Variants in PLRG1 observed in about 807,000 individuals in gnomAD.
PLRG1 encodes the protein pleiotropic regulator 1.
A neutral mutation model predicts 74.9 loss-of-function variants in PLRG1; 28 were observed. That is an observed-to-expected ratio of 0.37 (90% CI 0.28 to 0.51). The LOEUF is 0.51. Ranked by LOEUF, PLRG1 falls within the 20% of genes least tolerant of loss-of-function variation. The probability of loss-of-function intolerance (pLI) is 0.91; values close to 1 mark genes in which losing one functional copy is unlikely to be tolerated. For missense variants in PLRG1, 445 were observed against 631.9 expected, an observed-to-expected ratio of 0.70 and a Z score of 3.17; for synonymous variants, 197 against 212.4, an observed-to-expected ratio of 0.93 and a Z score of 0.63.
At chr4:154,550,106 T>C (rs539967646) in intron 1 of PLRG1, among the ~76,000 whole-genome samples, 194 bp downstream of exon 1, 5 of 152,258 alleles carry the variant, frequency 3.3e-5, no homozygotes, top group Admixed American at 2.0e-4. Flanking sequence ...AGGCTGAACC[T>C]CCGACTCGGG....
intron 5 of PLRG1, 83 bp downstream of exon 5, chr4:154,546,040 A>G: frequency 9.3e-7 from 1 of 1,079,660 alleles, no homozygotes; most frequent in East Asian, 2.6e-5. Flanking sequence ...ATGTCATATA[A>G]TAGTTATAAA....
In PLRG1 at chr4:154,544,690, TA is replaced by T. The variant is rs147317378; in HGVS notation, c.493-145del. Reference sequence around the variant, plus strand: ...AAATACAATTTTCTGTATGTTAACTTAAAAAAGCAATTATAAAATCACAGAC... The same window carrying T: ...AAATACAATTTTCTGTATGTTAACTTAAAAAGCAATTATAAAATCACAGAC... On this transcript the variant is annotated intron_variant, in intron 6 of 14. Transcript: ENST00000499023. The T allele has an allele frequency of 7.1e-3, 4,171 of 589,358 alleles. 131 individuals carry two copies. The highest frequency in any genetic ancestry group is 0.07 in the African/African-American group (3,717 of 53,100). 36.5% of individuals were successfully genotyped at this position (589,358 alleles called of 1,614,324 possible).
At chr4:154,540,547 A>C (rs1262953695) in intron 10 of PLRG1, 47 bp downstream of exon 10, 4 of 1,277,868 alleles carry the variant, frequency 3.1e-6, no homozygotes, top group Non-Finnish European at 4.6e-6. Context: ...TGCACCCTAC[A>C]AGATGCAATA....
intron 5 of PLRG1, 29 bp from the exon 6 acceptor site, chr4:154,545,952 G>T: frequency 7.1e-7 from 1 of 1,417,966 alleles, no homozygotes. Context: ...TATTTTCAAA[G>T]TAATTAATGC....
intron 10 of PLRG1, 109 bp downstream of exon 10, chr4:154,540,485 G>A: frequency 2.6e-6 from 2 of 759,306 alleles, no homozygotes; most frequent in Non-Finnish European, 4.6e-6. Flanking sequence ...GATGACTCAA[G>A]ACAGCTATCT....
intron 5 of PLRG1, 51 bp downstream of exon 5, chr4:154,546,072 G>T: frequency 8.2e-7 from 1 of 1,214,016 alleles, no homozygotes; most frequent in Non-Finnish European, 1.2e-6. Context: ...AAGAAAAAAT[G>T]TGAACAGTGA....
Position 154,545,916 on chromosome 4 carries a change from C to T in PLRG1, c.412G>A (p.Ala138Thr), listed in dbSNP as rs1217999589. 3 of 1,607,266 alleles carry T rather than the reference C, an allele frequency of 1.9e-6. No individual in the cohort carries two copies. The highest frequency in any genetic ancestry group is 2.6e-6 in the Non-Finnish European group (3 of 1,174,548). ...VALPLQTKAD[A>T]NRTAPSGSEY... is the part of the protein sequence containing the mutation. The stretch of plus-strand genomic sequence containing the variant: ...CTTCCACTAGGGGCAGTACGATTTG[C>T]ATCAGCCCTGGGGCAAAAGAAATAA... The change falls in exon 6 of 15, where the codon GCA (alanine) becomes ACA (threonine). Residue 138 changes from alanine to threonine, a missense_variant. This residue lies in a region of PLRG1 where 206 missense variants were observed against 210.8 expected (regional missense o/e 0.98). Transcript: ENST00000499023.
chr4:154,538,067 C>A lies in PLRG1; in HGVS notation c.1193G>T (p.Trp398Leu). 1 of 1,528,476 alleles carries A rather than the reference C, an allele frequency of 6.5e-7. No individual in the cohort carries two copies. 94.7% of individuals were successfully genotyped at this position (1,528,476 alleles called of 1,614,324 possible). A position where few individuals can be genotyped will look rare whatever the true frequency, so the allele number is the denominator to read the frequency against. Residue 398 changes from tryptophan to leucine, a missense_variant, in exon 13 of 15, where the codon TGG (tryptophan) becomes TTG (leucine). Physicochemically the swap from Trp to Leu is moderately conservative, Grantham distance 61. Transcript: ENST00000499023. The part of the protein sequence containing the change: ...ASGSPDNIKQ[W>L]KFPDGSFIQN... ...AATGAAACTTCCATCAGGGAATTTC[C>A]ACTGCTTTATGTTATCTGGAGAACC...
intron 4 of PLRG1, chr4:154,546,415 G>A: frequency 1.8e-6 from 1 of 553,424 alleles, no homozygotes; most frequent in East Asian, 3.1e-5. Context: ...ACTCAAATTT[G>A]ATTTGATCAC....
rs776034583 is a variant in PLRG1 at position 154,539,993 on chromosome 4, C to A, written c.1000G>T (p.Ala334Ser). 1 of 1,602,366 alleles carries A rather than the reference C, an allele frequency of 6.2e-7. No homozygotes were observed. Among genetic ancestry groups the A allele is most frequent in the Non-Finnish European group, 8.6e-7 (1 of 1,169,510 alleles). ...HTLSGHTNAV[A>S]TVRCQAAEPQ... ...TCTGCAGCCTGACATCTCACTGTAG[C>A]AACTGCATTTGTATGTCCAGATAAT... Residue 334 changes from alanine to serine, a missense_variant, in exon 11 of 15, where the codon GCT becomes TCT. By Grantham distance (99) the Ala-to-Ser change is moderately conservative. Transcript: ENST00000499023.
rs1729545126 is a variant in PLRG1, at chr4:154,540,897, A to G, written c.725T>C (p.Leu242Ser). 1 of 1,610,274 alleles carries G rather than the reference A, an allele frequency of 6.2e-7. No homozygotes were observed. Among genetic ancestry groups the G allele is most frequent in the Non-Finnish European group, 8.5e-7 (1 of 1,178,420 alleles). ...DLASGKLKLS[L>S]TGHISTVRGV... The stretch of plus-strand genomic sequence containing the variant: ...CCGCACAGTACTAATATGCCCAGTC[A>G]ATGACAGTTTTAATTTGCCACTAGC... The change falls in exon 9 of 15, where the codon TTG becomes TCG. Residue 242 changes from leucine to serine, a missense_variant. Coordinates refer to ENST00000499023, the MANE Select transcript of PLRG1 (RefSeq NM_002669.4).
rs540384994 is a variant in PLRG1, at chr4:154,545,691, A to G, written c.492+145T>C. 5.7e-6 allele frequency: 3 copies of G among 525,686 alleles called. No homozygotes were observed. The South Asian group carries it at 9.7e-5, about 17-fold the overall frequency. 32.6% of individuals were successfully genotyped at this position (525,686 alleles called of 1,614,324 possible). On this transcript the variant is annotated intron_variant, in intron 6 of 14. Coordinates refer to ENST00000499023, the MANE Select transcript of PLRG1 (RefSeq NM_002669.4). ...GAATTAAATTCCAAAAAATACGTTA[A>G]TTTACTACCAACTTGAGTTTTAGGG...
At position 154,536,492 on chromosome 4, in the gene PLRG1, G is replaced by A. The variant is rs1729452942; in HGVS notation, c.*193C>T. 1 of 538,724 alleles carries A rather than the reference G, an allele frequency of 1.9e-6. No homozygotes were observed. Among genetic ancestry groups the A allele is most frequent in the South Asian group, 2.3e-5 (1 of 42,906 alleles). 33.4% of individuals were successfully genotyped at this position (538,724 alleles called of 1,614,324 possible). On this transcript the variant is annotated 3_prime_UTR_variant, in exon 15 of 15. Transcript: ENST00000499023. ...CTTCCTAGTATCACAAATTGTTTTA[G>A]AAATAAAAACACAGGGGTAGGGGAC...
intron 5 of PLRG1, 90 bp from the exon 6 acceptor site, chr4:154,546,013 A>G: frequency 9.1e-7 from 1 of 1,098,062 alleles, no homozygotes; most frequent in Non-Finnish European, 1.3e-6. Flanking sequence ...ATTGTTATAA[A>G]GTCCTGATAA....
chr4:154,549,674 GAAC>G (rs1560810399), intron 1 of PLRG1: 1 of 456,304 alleles, frequency 2.2e-6, no homozygotes, highest in Non-Finnish European at 4.4e-6. Flanking sequence ...GTTTTAAACA[GAAC>G]AACTTATAGA....
At chr4:154,550,077 T>C (rs985069822) in intron 1 of PLRG1, among the ~76,000 whole-genome samples, 2 of 152,094 alleles carry the variant, frequency 1.3e-5, no homozygotes, top group African/African-American at 4.8e-5. Flanking sequence ...CTGGACGAAT[T>C]ATCTCAGGCT....
intron 8 of PLRG1, among the ~76,000 whole-genome samples, chr4:154,541,402 C>A (rs1334802000): frequency 2.0e-5 from 3 of 152,164 alleles, no homozygotes; most frequent in Non-Finnish European, 4.4e-5. Context: ...CTCTCATACA[C>A]TGCAAGTATC....
chr4:154,546,573 C>T (rs1578771264), intron 4 of PLRG1: 1 of 292,142 alleles, frequency 3.4e-6, no homozygotes, highest in East Asian at 8.4e-5. Flanking sequence ...TAGAAACACC[C>T]AATTTCCCTG....
At chr4:154,549,444 G>A (rs1729719203) in intron 1 of PLRG1, among the ~76,000 whole-genome samples, 1 of 152,186 alleles carries the variant, frequency 6.6e-6, no homozygotes, top group African/African-American at 2.4e-5. Context: ...AACGAACCAG[G>A]CTGATGGAAA....
Sources: allele counts gnomAD v4.1 joint callset (sites outside exome capture counted in the v4.1 genomes callset), GRCh38; gene constraint gnomAD v4.1.1; regional missense constraint gnomAD v4.1.1; transcripts MANE v1.5; gene names NCBI Gene and HGNC (gene_info 2026-07-23, HGNC 2026-07-21).